FBXL13: variants seen among roughly 807,000 people sequenced by gnomAD.
FBXL13 encodes the protein F-box and leucine rich repeat protein 13, also known as F-box and leucine-rich repeat protein 13.
A neutral mutation model predicts 83.6 loss-of-function variants in FBXL13; 67 were observed. The ratio of observed to expected loss-of-function variants is 0.80; its 90% CI spans 0.66 to 0.98. The LOEUF is 0.98. Among genes scored for constraint, FBXL13 ranks in the 50% least tolerant of loss-of-function variants. FBXL13 has a pLI of 0.00. For synonymous variants in FBXL13, 272 were observed against 299.5 expected (o/e 0.91, Z 0.95); for missense variants, 822 against 866.5 (o/e 0.95, Z 0.64).
At chr7:102,855,854 TTTTGC>T (rs1405488152) in intron 16 of FBXL13, among the ~76,000 whole-genome samples, 1 of 152,014 alleles carries the variant, frequency 6.6e-6, no homozygotes, top group African/African-American at 2.4e-5. Context: ...GTTTGTTTTG[TTTTGC>T]TTTGCTTTAA....
chr7:102,873,297 TC>T (rs1808769122), intron 16 of FBXL13, among the ~76,000 whole-genome samples: 1 of 152,174 alleles, frequency 6.6e-6, no homozygotes, highest in African/African-American at 2.4e-5. Flanking sequence ...GCAAACCTGC[TC>T]CCTGACTGTG....
chr7:102,884,218 A>G, exon 12 of FBXL13: 1 of 1,612,118 alleles, frequency 6.2e-7, no homozygotes, highest in East Asian at 2.2e-5. Context: ...ACCTACTTTT[A>G]CACAGTTGTC....
At chr7:102,836,019 T>C (rs1801913328) in intron 17 of FBXL13, among the ~76,000 whole-genome samples, 1 of 152,162 alleles carries the variant, frequency 6.6e-6, no homozygotes. Context: ...ACTATAAGAA[T>C]AATTTATTGA....
At chr7:103,061,860 T>C (rs10236966) in intron 1 of FBXL13, among the ~76,000 whole-genome samples, 146,957 of 150,192 alleles carry the variant, frequency 0.98, 71,999 homozygotes, top group East Asian at 1. Context: ...ATGGCAGGAA[T>C]TCAGGAGGCG....
intron 1 of FBXL13, among the ~76,000 whole-genome samples, chr7:103,070,060 C>G (rs1333788876): frequency 3.1e-5 from 4 of 127,072 alleles, no homozygotes; most frequent in Admixed American, 9.3e-5. Flanking sequence ...GCCTGGGCGA[C>G]AGTGCAAGAC....
intron 16 of FBXL13, among the ~76,000 whole-genome samples, chr7:102,869,264 G>A (rs538539132): frequency 1.3e-5 from 2 of 152,272 alleles, no homozygotes; most frequent in South Asian, 4.1e-4. Flanking sequence ...CTTGTTGGCC[G>A]TATACATGTA....
At chr7:103,032,814 G>A (rs372512905) in intron 2 of FBXL13, among the ~76,000 whole-genome samples, 60 of 152,298 alleles carry the variant, frequency 3.9e-4, no homozygotes, top group South Asian at 2.3e-3. Flanking sequence ...AGGATCCCTC[G>A]AGCTCACGAC....
intron 11 of FBXL13, among the ~76,000 whole-genome samples, chr7:102,889,074 T>C (rs1811175657): frequency 6.6e-6 from 1 of 152,248 alleles, no homozygotes; most frequent in South Asian, 2.1e-4. Flanking sequence ...CTGTTATTGT[T>C]CTTCTGGGCA....
At chr7:103,024,755 A>C (rs549847592) in intron 6 of FBXL13, among the ~76,000 whole-genome samples, 1 of 148,390 alleles carries the variant, frequency 6.7e-6, no homozygotes, top group African/African-American at 2.5e-5. Context: ...ATGGGCAAAA[A>C]TATCCTTATT....
chr7:102,898,119 A>G (rs947815886), intron 11 of FBXL13, among the ~76,000 whole-genome samples: 3 of 152,206 alleles, frequency 2.0e-5, no homozygotes, highest in African/African-American at 7.2e-5. Flanking sequence ...TAACAATATC[A>G]ACTAAAGCCA....
At position 102,867,695 on chromosome 7, in the gene FBXL13, A is replaced by ATTTTTTT. The variant is rs1205859622; in HGVS notation, c.1635+9765_1635+9771dup. 8.6e-4 allele frequency among the ~76,000 whole-genome samples: 42 copies of ATTTTTTT among 49,078 alleles called. 4 individuals are homozygous for ATTTTTTT. The highest frequency in any genetic ancestry group is 4.5e-3 in the African/African-American group (37 of 8,164). The allele number at this position is 49,078 out of a possible 152,430, so 32.2% of individuals were successfully genotyped here. On this transcript the variant is annotated intron_variant, in intron 16 of 19. Coordinates refer to ENST00000313221, the Ensembl canonical transcript of FBXL13. Reference sequence around the variant, plus strand: ...TATATATATATATATATATATATATATTTTTTTTTTTTTTTTTTTTTTTTT... The same window carrying ATTTTTTT: ...TATATATATATATATATATATATATATTTTTTTTTTTTTTTTTTTTTTTTTTTTTTTT...
At chr7:102,945,792 G>A (rs1585077224) in intron 8 of FBXL13, among the ~76,000 whole-genome samples, 1 of 152,178 alleles carries the variant, frequency 6.6e-6, no homozygotes, top group South Asian at 2.1e-4. Flanking sequence ...TTGTATCAAG[G>A]TATTCCTACA....
intron 18 of FBXL13, chr7:102,822,561 C>T (rs1360691376): frequency 2.4e-6 from 1 of 421,062 alleles, no homozygotes; most frequent in African/African-American, 2.1e-5. Context: ...AAAGGCCCCA[C>T]TTTCTATTAC....
chr7:102,935,230 T>C (rs1820060972), intron 8 of FBXL13, among the ~76,000 whole-genome samples: 1 of 141,328 alleles, frequency 7.1e-6, no homozygotes, highest in South Asian at 2.2e-4. Context: ...ATGCTCCTTT[T>C]TTTTTTTCTT....
chr7:102,897,402 T>C (rs1812391576), intron 11 of FBXL13, among the ~76,000 whole-genome samples: 1 of 152,190 alleles, frequency 6.6e-6, no homozygotes, highest in African/African-American at 2.4e-5. Context: ...TATAGCACGA[T>C]ATAATTTATG....
intron 16 of FBXL13, among the ~76,000 whole-genome samples, chr7:102,862,793 T>A (rs549826396): frequency 6.6e-6 from 1 of 152,366 alleles, no homozygotes; most frequent in South Asian, 2.1e-4. Flanking sequence ...TTGTTTCTCA[T>A]GATATTACTC....
rs941052628 is a variant in FBXL13, at chr7:103,028,521, A to G, written c.217+79T>C. 8 of 1,029,400 alleles carry G rather than the reference A, an allele frequency of 7.8e-6. No individual in the cohort carries two copies. The South Asian group carries it at 1.8e-4, about 23-fold the overall frequency. 63.8% of individuals were successfully genotyped at this position (1,029,400 alleles called of 1,614,324 possible). On this transcript the variant is annotated intron_variant, in intron 4 of 19. Coordinates refer to ENST00000313221, the Ensembl canonical transcript of FBXL13. ...AAAATGATAGGTTCTCTAAGTACCCAAAGTATGCTTAACTGTTAGTTTTTT... is the reference window on the plus strand; with the variant it reads ...AAAATGATAGGTTCTCTAAGTACCCGAAGTATGCTTAACTGTTAGTTTTTT...
In FBXL13 at chr7:103,008,226, G is replaced by T. The variant is rs552030846; in HGVS notation, c.495+16837C>A. Reference sequence around the variant, plus strand: ...AAAACATCCCTAATCTTTATGTCAAGGTTATGAAAATTAAAGAAAGATTGA... The same window carrying T: ...AAAACATCCCTAATCTTTATGTCAATGTTATGAAAATTAAAGAAAGATTGA... On this transcript the variant is annotated intron_variant, in intron 6 of 19. Transcript: ENST00000313221. Among the ~76,000 whole-genome samples, 10 of 152,262 alleles carry T rather than the reference G, an allele frequency of 6.6e-5. No homozygotes were observed. The South Asian group carries it at 1.7e-3, about 25-fold the overall frequency.
At chr7:102,912,235 T>C (rs1416892108) in intron 11 of FBXL13, among the ~76,000 whole-genome samples, 1 of 152,200 alleles carries the variant, frequency 6.6e-6, no homozygotes, top group Non-Finnish European at 1.5e-5. Flanking sequence ...GAAGTAAATC[T>C]GATCTGTGTA....
Sources: gnomAD v4.1 joint callset for allele counts (sites outside exome capture counted in the v4.1 genomes callset) on GRCh38, gnomAD v4.1.1 for gene constraint, MANE v1.5 for transcripts, NCBI Gene and HGNC (gene_info 2026-07-23, HGNC 2026-07-21) for gene names.